Variants in ANK3 observed in about 807,000 individuals in gnomAD.
ANK3 encodes the protein ankyrin 3.
ANK3 carries 57 observed loss-of-function variants against 370.9 expected under a neutral mutation model. The ratio of observed to expected loss-of-function variants is 0.15; its 90% CI spans 0.12 to 0.19. The LOEUF (loss-of-function observed/expected upper bound fraction) is 0.19, where lower values mean the gene tolerates loss of function less well. ANK3 is among the 10% of genes least tolerant of loss of function. The pLI is 1.00. For missense variants in ANK3, 4,439 were observed against 5,302.1 expected (o/e 0.84, Z 5.06); for synonymous variants, 1,929 against 1,946.3 (o/e 0.99, Z 0.23).
chr10:60,044,197 A>C (rs2076580305), intron 42 of ANK3: 1 of 984,424 alleles, frequency 1.0e-6, no homozygotes, highest in South Asian at 4.7e-5. Flanking sequence ...TACAGCACAA[A>C]AGTAGCAGAG....
intron 2 of ANK3, among the ~76,000 whole-genome samples, chr10:60,580,068 AT>A (rs763364856): frequency 5.9e-5 from 9 of 152,306 alleles, no homozygotes; most frequent in Admixed American, 2.0e-4. Flanking sequence ...TAAGAAAAAA[AT>A]ATTATGCTGT....
At chr10:60,391,090 C>T (rs3808942), upstream of ANK3, among the ~76,000 whole-genome samples, 112,268 of 152,166 alleles carry the variant, frequency 0.74, 41,728 homozygotes, top group South Asian at 0.9. Flanking sequence ...TCTTGTAGGA[C>T]GCTTTATAGT....
intron 2 of ANK3, among the ~76,000 whole-genome samples, chr10:60,435,114 A>G (rs1227749157): frequency 6.6e-6 from 1 of 152,220 alleles, no homozygotes; most frequent in East Asian, 1.9e-4. Context: ...TTGGAATAAA[A>G]TGTCATAATG....
intron 1 of ANK3, among the ~76,000 whole-genome samples, chr10:60,355,247 A>G (rs955208538): frequency 1.3e-5 from 2 of 152,236 alleles, no homozygotes; most frequent in Admixed American, 1.3e-4. Flanking sequence ...CCAACAAATG[A>G]AAAACAATGG....
intron 26 of ANK3, among the ~76,000 whole-genome samples, chr10:60,113,147 C>T (rs911526999): frequency 6.6e-6 from 1 of 151,744 alleles, no homozygotes; most frequent in African/African-American, 2.4e-5. Flanking sequence ...GGAGGCTACT[C>T]GGTGTGGTTT....
chr10:60,132,026 A>G (rs1169922084), intron 25 of ANK3, among the ~76,000 whole-genome samples: 1 of 152,122 alleles, frequency 6.6e-6, no homozygotes, highest in Admixed American at 6.5e-5. Context: ...AATAACAGGC[A>G]TTTTTATACT....
intron 2 of ANK3, among the ~76,000 whole-genome samples, chr10:60,411,019 G>C (rs1006897463): frequency 1.4e-4 from 22 of 151,922 alleles, no homozygotes; most frequent in Non-Finnish European, 2.8e-4. Context: ...TCTTCTCCTG[G>C]CTTTTGACCC....
chr10:60,159,685 A>C (rs1169709912), intron 23 of ANK3, among the ~76,000 whole-genome samples: 1 of 152,124 alleles, frequency 6.6e-6, no homozygotes, highest in African/African-American at 2.4e-5. Context: ...AGTCTCAAAA[A>C]ATTTAAAAAA....
At chr10:60,303,390 T>C (rs2044262267) in intron 1 of ANK3, among the ~76,000 whole-genome samples, 1 of 152,072 alleles carries the variant, frequency 6.6e-6, no homozygotes, top group Admixed American at 6.6e-5. Context: ...ATTTAAAAAA[T>C]GGGCAAAGAA....
chr10:60,478,231 T>A (rs889823474), intron 2 of ANK3, among the ~76,000 whole-genome samples: 3 of 152,064 alleles, frequency 2.0e-5, no homozygotes, highest in Non-Finnish European at 4.4e-5. Context: ...TCTGACTCAA[T>A]GGGTTTTTCA....
intron 2 of ANK3, among the ~76,000 whole-genome samples, chr10:60,487,350 T>C (rs1431215371): frequency 1.3e-5 from 2 of 152,082 alleles, no homozygotes; most frequent in Admixed American, 1.3e-4. Context: ...AAATCAAATA[T>C]CTCAGGTAAC....
intron 1 of ANK3, among the ~76,000 whole-genome samples, chr10:60,718,647 T>C (rs2132022426): frequency 6.6e-6 from 1 of 152,298 alleles, no homozygotes; most frequent in African/African-American, 2.4e-5. Flanking sequence ...TAGGACAATA[T>C]ACACATCACC....
At chr10:60,443,291 G>A (rs2064347036) in intron 2 of ANK3, among the ~76,000 whole-genome samples, 1 of 152,094 alleles carries the variant, frequency 6.6e-6, no homozygotes, top group Admixed American at 6.5e-5. Flanking sequence ...AGAATAAAAT[G>A]TGTGTGTGTG....
chr10:60,088,100 C>G (rs1227013784), intron 29 of ANK3, 47 bp downstream of exon 29: 2 of 1,495,126 alleles, frequency 1.3e-6, no homozygotes, highest in East Asian at 2.3e-5. Flanking sequence ...CATGCACTCA[C>G]ATGCTCTCTG....
At chr10:60,221,795 C>G (rs1432475935) in intron 8 of ANK3, among the ~76,000 whole-genome samples, 1 of 152,210 alleles carries the variant, frequency 6.6e-6, no homozygotes, top group East Asian at 1.9e-4. Context: ...CTCACACTTG[C>G]AGCCACTCTT....
At chr10:60,232,608 C>G (rs1204831262) in intron 8 of ANK3, among the ~76,000 whole-genome samples, 5 of 151,336 alleles carry the variant, frequency 3.3e-5, no homozygotes, top group Non-Finnish European at 5.9e-5. Flanking sequence ...GTCGGCCTTC[C>G]TTTCTTCCCT....
chr10:60,586,666 A>C (rs890537539), intron 2 of ANK3, among the ~76,000 whole-genome samples: 1 of 152,184 alleles, frequency 6.6e-6, no homozygotes, highest in Non-Finnish European at 1.5e-5. Context: ...TATTCTATAC[A>C]ATGTACAATA....
intron 23 of ANK3, among the ~76,000 whole-genome samples, chr10:60,157,879 AGAG>A (rs2095382536): frequency 9.8e-6 from 1 of 102,038 alleles, no homozygotes; most frequent in Admixed American, 1.3e-4. Context: ...AGAGAGAGAG[AGAG>A]AAAAAGAGAG....
intron 2 of ANK3, among the ~76,000 whole-genome samples, chr10:60,598,574 T>C (rs548027353): frequency 1.2e-3 from 176 of 152,320 alleles, no homozygotes; most frequent in Admixed American, 2.7e-3. Flanking sequence ...GTATTTGATA[T>C]AAGTCAAAAT....
Sources: allele counts gnomAD v4.1 joint callset (sites outside exome capture counted in the v4.1 genomes callset), GRCh38; gene constraint gnomAD v4.1.1; transcripts MANE v1.5; gene names NCBI Gene and HGNC (gene_info 2026-07-23, HGNC 2026-07-21).